The following NRDE2 variants were observed in gnomAD, a reference collection of about 807,000 sequenced individuals.
NRDE2 encodes NRDE-2, necessary for RNA interference, domain containing.
A neutral mutation model predicts 124.2 loss-of-function variants in NRDE2; 76 were observed. That is an observed-to-expected ratio of 0.61 (90% CI 0.51 to 0.74). The LOEUF (loss-of-function observed/expected upper bound fraction) is 0.74, where lower values mean the gene tolerates loss of function less well. NRDE2 is among the 30% of genes least tolerant of loss of function. The pLI is 0.00. For missense variants in NRDE2, 1,314 were observed against 1,417.3 expected (o/e 0.93, Z 1.17); for synonymous variants, 489 against 528.1 (o/e 0.93, Z 1.01).
chr14:90,290,516 C>T lies in NRDE2; in HGVS notation c.1934G>A (p.Gly645Asp), dbSNP rs558344811. ...TGGAGGAGTAAAGCCAGAAGGCACA[C>T]CCAAGAACTGCAGGAAGGCCTCCAC... ...QLVEAFLQFL[G>D]VPSGFTPPAS... Residue 645 changes from glycine (G) to aspartate (D), a missense_variant, in exon 10 of 14, where the codon GGT becomes GAT. Coordinates refer to ENST00000354366, the MANE Select transcript of NRDE2 (RefSeq NM_017970.4). 1.2e-6 allele frequency: 2 copies of T among 1,613,992 alleles called. No individual in the cohort carries two copies. The highest frequency in any genetic ancestry group is 1.1e-5 in the South Asian group (1 of 91,082).
chr14:90,305,166 A>C (rs1302368773), intron 4 of NRDE2, among the ~76,000 whole-genome samples: 1 of 152,174 alleles, frequency 6.6e-6, no homozygotes. Flanking sequence ...AAAAAAAAAA[A>C]CAACTCAACA....
chr14:90,301,754 C>T, intron 6 of NRDE2: 1 of 456,600 alleles, frequency 2.2e-6, no homozygotes. Context: ...TTCAGTTGAT[C>T]ACTAGATGGC....
At chr14:90,312,191 A>G (rs1171832451) in intron 4 of NRDE2, among the ~76,000 whole-genome samples, 2 of 152,220 alleles carry the variant, frequency 1.3e-5, no homozygotes, top group East Asian at 1.9e-4. Flanking sequence ...ACCAGGGATA[A>G]ATAAGATTAA....
chr14:90,294,531 G>C (rs1044079803), intron 8 of NRDE2, among the ~76,000 whole-genome samples: 2 of 152,190 alleles, frequency 1.3e-5, no homozygotes, highest in African/African-American at 4.8e-5. Context: ...AAATCCTGGC[G>C]TGACATGGAT....
In NRDE2 at chr14:90,279,116, T is replaced by G; in HGVS notation, c.3315A>C (p.Lys1105Asn). The G allele has an allele frequency of 1.9e-6, 3 of 1,611,858 alleles. No individual in the cohort carries two copies. Residue 1105 changes from lysine to asparagine, a missense_variant, in exon 13 of 14, where the codon AAA (lysine) becomes AAC (asparagine). Transcript: ENST00000354366. The stretch of plus-strand genomic sequence containing the variant: ...TGTAGAATACACCTTTGCTTCTTTC[T>G]TTATTTCCTAAGGAAACCTGAGGTG... ...YLNFLVSLGN[K>N]ERSKGVFYKA...
Position 90,271,205 on chromosome 14 carries a change from G to T in NRDE2, c.*7131C>A, listed in dbSNP as rs1891652965. On this transcript the variant is annotated 3_prime_UTR_variant, in exon 14 of 14. Transcript: ENST00000354366. ...AACTTTCTTTTCACCCGAACCATTT[G>T]AAGTAAATAACCTGATGGCCATCAC... 6.6e-6 allele frequency: 1 copy of T among 152,114 alleles called. No homozygotes were observed. Among genetic ancestry groups the T allele is most frequent in the Non-Finnish European group, 1.5e-5 (1 of 68,040 alleles). The allele number at this position is 152,114 out of a possible 1,614,324, so 9.4% of individuals were successfully genotyped here.
chr14:90,308,478 C>A (rs1398924551), intron 4 of NRDE2, among the ~76,000 whole-genome samples: 1 of 152,068 alleles, frequency 6.6e-6, no homozygotes, highest in East Asian at 1.9e-4. Context: ...CCAATCCAGC[C>A]TCCAAGGGAC....
At chr14:90,282,151 T>C (rs1891969806) in intron 12 of NRDE2, among the ~76,000 whole-genome samples, 3 of 152,196 alleles carry the variant, frequency 2.0e-5, no homozygotes, top group South Asian at 2.1e-4. Flanking sequence ...TTTAAGTATC[T>C]TGAAAAAACT....
intron 3 of NRDE2, among the ~76,000 whole-genome samples, chr14:90,316,082 C>T (rs1053967073): frequency 6.7e-6 from 1 of 150,176 alleles, no homozygotes. Flanking sequence ...TGGTCTTAAA[C>T]AAATATGAAA....
intron 1 of NRDE2, among the ~76,000 whole-genome samples, chr14:90,328,758 A>G (rs1885553648): frequency 6.6e-6 from 1 of 152,254 alleles, no homozygotes; most frequent in East Asian, 1.9e-4. Flanking sequence ...AAGCATGTTA[A>G]GTGACACTAT....
chr14:90,285,173 A>G (rs558428215), intron 12 of NRDE2, among the ~76,000 whole-genome samples: 2 of 150,920 alleles, frequency 1.3e-5, no homozygotes, highest in Admixed American at 1.3e-4. Flanking sequence ...CAAGAGGCTA[A>G]GGCAGGAGAA....
Position 90,298,261 on chromosome 14 carries a change from TG to T in NRDE2, c.1664del (p.Pro555GlnfsTer15). 3.1e-6 allele frequency: 5 copies of T among 1,613,480 alleles called. No individual in the cohort carries two copies. The highest frequency in any genetic ancestry group is 4.2e-6 in the Non-Finnish European group (5 of 1,179,870). The stretch of plus-strand genomic sequence containing the variant: ...CGTCTTCAATGAGAGGTGACTTACC[TG>T]GGTTGATGACCACCCAGCCACCTCG... ...QERGGWVVINPDEDDDEPEED... is the reference protein window; with the variant it reads ...QERGGWVVINXDEDDDEPEED... On this transcript the variant is annotated frameshift_variant and splice_region_variant, in exon 8 of 14. Transcript: ENST00000354366. LOFTEE classifies it high-confidence loss of function.
chr14:90,310,521 CTTT>C (rs35448297), intron 4 of NRDE2, among the ~76,000 whole-genome samples: 2,575 of 136,120 alleles, frequency 0.019, 77 homozygotes, highest in African/African-American at 0.064. Context: ...GTTGACTGCC[CTTT>C]TTTTTTTTTT....
chr14:90,301,873 T>A, intron 6 of NRDE2: 1 of 455,268 alleles, frequency 2.2e-6, no homozygotes, highest in Non-Finnish European at 4.4e-6. Flanking sequence ...TTCCAGCTAC[T>A]AAATAACACT....
chr14:90,330,937 C>CTT (rs200649143), intron 1 of NRDE2, among the ~76,000 whole-genome samples: 1 of 146,954 alleles, frequency 6.8e-6, no homozygotes, highest in African/African-American at 2.5e-5. Flanking sequence ...ACTTTTTTTT[C>CTT]TTTTTTTTTT....
In NRDE2 at chr14:90,318,068, G is replaced by A. The variant is rs150991941; in HGVS notation, c.110C>T (p.Thr37Met). The A allele has an allele frequency of 1.6e-4, 265 of 1,614,160 alleles. No individual in the cohort carries two copies. The African/African-American group carries it at 1.9e-3, about 12-fold the overall frequency. Residue 37 changes from threonine (T) to methionine (M), a missense_variant, in exon 2 of 14, where the codon ACG becomes ATG. Thr to Met is a moderately conservative substitution (Grantham distance 81). Transcript: ENST00000354366. Reference protein sequence around the residue: ...SNPSFCVGSITSLSQQTEAAP... With the variant: ...SNPSFCVGSIMSLSQQTEAAP... ...TGCTTCAGTTTGTTGGCTCAGGGACGTTATGGATCCAACACAAAAGCTTGG... is the reference window on the plus strand; with the variant it reads ...TGCTTCAGTTTGTTGGCTCAGGGACATTATGGATCCAACACAAAAGCTTGG...
chr14:90,290,246 G>A lies in NRDE2; in HGVS notation c.2204C>T (p.Ser735Phe). ...SGKEKSQLCFSWLQYEIAKVI... is the reference protein window; with the variant it reads ...SGKEKSQLCFFWLQYEIAKVI... Reference sequence around the variant, plus strand: ...CTTTGCAATCTCATACTGTAACCAGGAGAAGCAGAGCTGGGACTTCTCTTT... The same window carrying A: ...CTTTGCAATCTCATACTGTAACCAGAAGAAGCAGAGCTGGGACTTCTCTTT... The change falls in exon 10 of 14, where the codon TCC becomes TTC. Residue 735 changes from serine to phenylalanine, a missense_variant. Physicochemically the swap from Ser to Phe is radical, Grantham distance 155. Transcript: ENST00000354366. 6.2e-7 allele frequency: 1 copy of A among 1,614,028 alleles called. No individual in the cohort carries two copies. The highest frequency in any genetic ancestry group is 8.5e-7 in the Non-Finnish European group (1 of 1,180,004).
chr14:90,269,290 C>A lies in NRDE2; in HGVS notation c.*9046G>T. On this transcript the variant is annotated 3_prime_UTR_variant, in exon 14 of 14. Transcript: ENST00000354366. ...TGAGGGAGTGCCATGTGAGTTGAAACAGGAATGTTTGTTAAGGTGTTTTGT... is the reference window on the plus strand; with the variant it reads ...TGAGGGAGTGCCATGTGAGTTGAAAAAGGAATGTTTGTTAAGGTGTTTTGT... 1.0e-6 allele frequency: 1 copy of A among 978,792 alleles called. No individual in the cohort carries two copies. The highest frequency in any genetic ancestry group is 1.8e-5 in the South Asian group (1 of 56,996). The allele number at this position is 978,792 out of a possible 1,614,324, so 60.6% of individuals were successfully genotyped here.
chr14:90,292,965 G>T, intron 8 of NRDE2, 93 bp from the exon 9 acceptor site: 3 of 1,138,844 alleles, frequency 2.6e-6, no homozygotes, highest in Non-Finnish European at 3.8e-6. Context: ...TTGGGCACCC[G>T]CAATGCCAAG....
Sources: gnomAD v4.1 joint callset for allele counts (sites outside exome capture counted in the v4.1 genomes callset) on GRCh38, gnomAD v4.1.1 for gene constraint, MANE v1.5 for transcripts, NCBI Gene and HGNC (gene_info 2026-07-23, HGNC 2026-07-21) for gene names.